The following RBFOX1 variants were observed in gnomAD, a reference collection of about 807,000 sequenced individuals.
RBFOX1 encodes the protein RNA binding protein fox-1 homolog 1.
Under a neutral mutation model 57.7 loss-of-function variants are expected in RBFOX1, and 8 were observed. The observed-to-expected ratio is 0.14, with a 90% confidence interval of 0.08 to 0.25. RBFOX1 has a LOEUF of 0.25. RBFOX1 is among the 10% of genes least tolerant of loss of function. The pLI, the probability that RBFOX1 is intolerant of heterozygous loss-of-function variation, is 1.00. For synonymous variants in RBFOX1, 326 were observed against 222.4 expected, an observed-to-expected ratio of 1.47 and a Z score of -4.15; for missense variants, 611 against 548.5, an observed-to-expected ratio of 1.11 and a Z score of -1.14.
chr16:6,610,142 C>T (rs992687962), intron 2 of RBFOX1, among the ~76,000 whole-genome samples: 5 of 152,138 alleles, frequency 3.3e-5, no homozygotes, highest in African/African-American at 9.7e-5. Context: ...ATGGACCTCA[C>T]GTTGATTCTC....
chr16:5,552,124 C>G (rs2045489716), intron 2 of RBFOX1, among the ~76,000 whole-genome samples: 3 of 152,132 alleles, frequency 2.0e-5, no homozygotes, highest in African/African-American at 7.2e-5. Context: ...TGTAGTCAGC[C>G]CAGTCTGGTA....
chr16:6,937,305 C>A (rs902757429), intron 3 of RBFOX1, among the ~76,000 whole-genome samples: 3 of 152,134 alleles, frequency 2.0e-5, no homozygotes, highest in Non-Finnish European at 4.4e-5. Context: ...ACCTTCATTC[C>A]CACATCCCCC....
chr16:6,475,452 G>A (rs530721369), intron 2 of RBFOX1, among the ~76,000 whole-genome samples: 119 of 152,302 alleles, frequency 7.8e-4, no homozygotes, highest in Non-Finnish European at 1.3e-3. Flanking sequence ...AATTTGTAAG[G>A]TGAACCATTT....
At chr16:6,782,063 G>A (rs549444784) in intron 3 of RBFOX1, among the ~76,000 whole-genome samples, 1 of 152,252 alleles carries the variant, frequency 6.6e-6, no homozygotes, top group South Asian at 2.1e-4. Context: ...CTGGAGTGCA[G>A]TGGTATGTTC....
intron 5 of RBFOX1, among the ~76,000 whole-genome samples, chr16:7,577,995 G>A (rs988073150): frequency 6.6e-6 from 1 of 152,230 alleles, no homozygotes; most frequent in African/African-American, 2.4e-5. Flanking sequence ...GTGACAAGGA[G>A]GGCTGATTTA....
intron 3 of RBFOX1, among the ~76,000 whole-genome samples, chr16:6,900,045 T>C (rs1333124753): frequency 6.6e-6 from 1 of 152,182 alleles, no homozygotes; most frequent in Non-Finnish European, 1.5e-5. Flanking sequence ...TCTAGGGTTG[T>C]CGGGAGGATT....
At chr16:6,656,534 A>G (rs2098653530) in intron 3 of RBFOX1, among the ~76,000 whole-genome samples, 1 of 151,868 alleles carries the variant, frequency 6.6e-6, no homozygotes, top group Non-Finnish European at 1.5e-5. Context: ...TCTTGGTGGG[A>G]AAAAGTCATT....
intron 4 of RBFOX1, among the ~76,000 whole-genome samples, chr16:7,194,010 ATAT>A (rs1409633601): frequency 6.6e-6 from 1 of 151,888 alleles, no homozygotes; most frequent in Non-Finnish European, 1.5e-5. Flanking sequence ...AAGCCGTATC[ATAT>A]TATTATGGAT....
At chr16:6,768,842 C>T (rs2077816566) in intron 3 of RBFOX1, among the ~76,000 whole-genome samples, 1 of 151,548 alleles carries the variant, frequency 6.6e-6, no homozygotes, top group African/African-American at 2.4e-5. Flanking sequence ...GATTCTTCTG[C>T]CTCAGCCTCC....
intron 1 of RBFOX1, among the ~76,000 whole-genome samples, chr16:5,451,888 G>A (rs1169846025): frequency 6.6e-6 from 1 of 152,084 alleles, no homozygotes; most frequent in Non-Finnish European, 1.5e-5. Flanking sequence ...GATGTGTTCT[G>A]ATACCTACCT....
intron 4 of RBFOX1, among the ~76,000 whole-genome samples, chr16:7,323,872 G>T (rs1404501473): frequency 1.3e-5 from 2 of 152,200 alleles, no homozygotes; most frequent in African/African-American, 4.8e-5. Context: ...TCAAAAAGCA[G>T]ATAATCCAAT....
At chr16:7,489,338 C>G (rs1374548619) in intron 4 of RBFOX1, among the ~76,000 whole-genome samples, 1 of 152,138 alleles carries the variant, frequency 6.6e-6, no homozygotes, top group Admixed American at 6.5e-5. Flanking sequence ...GCAAGTATTT[C>G]ATAATTGTTC....
chr16:6,586,026 A>G (rs2097609043), intron 2 of RBFOX1, among the ~76,000 whole-genome samples: 1 of 152,242 alleles, frequency 6.6e-6, no homozygotes, highest in African/African-American at 2.4e-5. Flanking sequence ...ATATACTGCA[A>G]TGTATAGAAC....
chr16:5,516,964 G>A (rs973078241), intron 2 of RBFOX1, among the ~76,000 whole-genome samples: 1 of 150,936 alleles, frequency 6.6e-6, no homozygotes, highest in Non-Finnish European at 1.5e-5. Flanking sequence ...ATGTGAGAAC[G>A]AGCTAATACG....
At chr16:6,161,111 G>A (rs2096875411) in intron 1 of RBFOX1, among the ~76,000 whole-genome samples, 1 of 152,090 alleles carries the variant, frequency 6.6e-6, no homozygotes, top group African/African-American at 2.4e-5. Flanking sequence ...ATCACTGGCT[G>A]GGCACAGTGA....
At chr16:7,396,808 G>T (rs1481599389) in intron 4 of RBFOX1, among the ~76,000 whole-genome samples, 1 of 152,134 alleles carries the variant, frequency 6.6e-6, no homozygotes, top group East Asian at 1.9e-4. Flanking sequence ...AGGTTTGGTG[G>T]TGTGCTCCTG....
intron 2 of RBFOX1, among the ~76,000 whole-genome samples, chr16:6,415,704 C>T (rs1282425611): frequency 6.6e-6 from 1 of 151,976 alleles, no homozygotes; most frequent in Non-Finnish European, 1.5e-5. Context: ...GTGCCTCAAA[C>T]AAAAAACAAA....
At chr16:6,677,480 A>T (rs2057933092) in intron 3 of RBFOX1, among the ~76,000 whole-genome samples, 1 of 152,214 alleles carries the variant, frequency 6.6e-6, no homozygotes, top group Non-Finnish European at 1.5e-5. Context: ...TCCTAAAAAG[A>T]AAGTTTTAAA....
At chr16:6,044,072 A>G in intron 1 of RBFOX1, among the ~76,000 whole-genome samples, 1 of 152,196 alleles carries the variant, frequency 6.6e-6, no homozygotes, top group East Asian at 1.9e-4. Context: ...GATCTCCTTA[A>G]CTAATCCTAA....
Sources: gnomAD v4.1 joint callset for allele counts (sites outside exome capture counted in the v4.1 genomes callset) on GRCh38, gnomAD v4.1.1 for gene constraint, MANE v1.5 for transcripts, NCBI Gene and HGNC (gene_info 2026-07-23, HGNC 2026-07-21) for gene names.